Variants in ZSWIM6 observed in about 807,000 individuals in gnomAD.
The protein encoded by ZSWIM6 is zinc finger SWIM-type containing 6.
In ZSWIM6, 9 loss-of-function variants were observed where a neutral mutation model predicts 113.2. That is an observed-to-expected ratio of 0.08 (90% confidence interval 0.05 to 0.14). ZSWIM6 has a LOEUF of 0.14. Ranked by LOEUF, ZSWIM6 falls within the 10% of genes least tolerant of loss-of-function variation. The pLI is 1.00. For missense variants in ZSWIM6, 1,162 were observed against 1,552.2 expected (o/e 0.75, Z 4.22); for synonymous variants, 611 against 606.5 (o/e 1.01, Z -0.11).
At chr5:61,374,647 G>A (rs1163824887) in intron 1 of ZSWIM6, among the ~76,000 whole-genome samples, 2 of 152,100 alleles carry the variant, frequency 1.3e-5, no homozygotes, top group African/African-American at 2.4e-5. Context: ...TCCGCCTCCC[G>A]GGTTCACGCC....
intron 1 of ZSWIM6, among the ~76,000 whole-genome samples, chr5:61,337,757 T>C (rs1744433533): frequency 6.6e-6 from 1 of 152,222 alleles, no homozygotes; most frequent in African/African-American, 2.4e-5. Flanking sequence ...TCTGTAAGTC[T>C]ACACAAGCAA....
intron 1 of ZSWIM6, among the ~76,000 whole-genome samples, chr5:61,342,248 C>G (rs916185844): frequency 5.9e-5 from 9 of 152,146 alleles, no homozygotes; most frequent in Non-Finnish European, 1.3e-4. Context: ...TGGTGAGACT[C>G]TTTAACACTT....
At chr5:61,403,818 T>A (rs886241118) in intron 1 of ZSWIM6, among the ~76,000 whole-genome samples, 1 of 152,180 alleles carries the variant, frequency 6.6e-6, no homozygotes, top group African/African-American at 2.4e-5. Context: ...GTTTTCAATC[T>A]TGGGAGCTTC....
chr5:61,428,792 T>C (rs1433241451), intron 1 of ZSWIM6, among the ~76,000 whole-genome samples: 1 of 152,232 alleles, frequency 6.6e-6, no homozygotes, highest in Non-Finnish European at 1.5e-5. Flanking sequence ...TTTGAGCTTT[T>C]AGTTTTCTGT....
chr5:61,344,462 AGTTT>A (rs1360954360), intron 1 of ZSWIM6, among the ~76,000 whole-genome samples: 3 of 152,156 alleles, frequency 2.0e-5, no homozygotes, highest in Non-Finnish European at 4.4e-5. Context: ...TCACAGCTCC[AGTTT>A]GTTCTTTCTT....
chr5:61,445,341 A>G (rs139964711), intron 1 of ZSWIM6, among the ~76,000 whole-genome samples: 1 of 152,228 alleles, frequency 6.6e-6, no homozygotes, highest in African/African-American at 2.4e-5. Flanking sequence ...CTTTTCAGCT[A>G]TAAAAAGAGC....
intron 5 of ZSWIM6, among the ~76,000 whole-genome samples, chr5:61,524,161 T>A (rs987161846): frequency 3.3e-5 from 5 of 152,246 alleles, no homozygotes; most frequent in Non-Finnish European, 5.9e-5. Context: ...AAACATTTGA[T>A]CAATTGACTG....
At chr5:61,538,993 T>A (rs1379744021) in intron 11 of ZSWIM6, 22 bp downstream of exon 11, 1 of 1,478,760 alleles carries the variant, frequency 6.8e-7, no homozygotes, top group Non-Finnish European at 9.0e-7. Flanking sequence ...TCCTGAGGCC[T>A]CATAATTGTT....
intron 4 of ZSWIM6, among the ~76,000 whole-genome samples, chr5:61,510,501 C>CTTTTTTT (rs35089164): frequency 6.8e-6 from 1 of 147,244 alleles, no homozygotes; most frequent in Non-Finnish European, 1.5e-5. Flanking sequence ...GTGACGAATG[C>CTTTTTTT]TTTTTTTTTT....
At chr5:61,390,561 C>G in intron 1 of ZSWIM6, 1 of 524,012 alleles carries the variant, frequency 1.9e-6, no homozygotes, top group Non-Finnish European at 3.5e-6. Context: ...AAAGTTAAAA[C>G]TTTTGTGAAT....
At chr5:61,492,916 C>T (rs944456718) in intron 3 of ZSWIM6, among the ~76,000 whole-genome samples, 1 of 152,030 alleles carries the variant, frequency 6.6e-6, no homozygotes, top group Non-Finnish European at 1.5e-5. Context: ...ACCAACCACC[C>T]CACCTTTTCT....
intron 1 of ZSWIM6, among the ~76,000 whole-genome samples, chr5:61,470,046 C>G (rs1363104580): frequency 6.6e-6 from 1 of 152,188 alleles, no homozygotes; most frequent in East Asian, 1.9e-4. Flanking sequence ...CTGTTATCTC[C>G]TGGTAGACTC....
intron 1 of ZSWIM6, among the ~76,000 whole-genome samples, chr5:61,342,805 T>C (rs887027004): frequency 3.9e-5 from 6 of 152,220 alleles, no homozygotes; most frequent in African/African-American, 1.4e-4. Flanking sequence ...CTTAACCATT[T>C]TTGTGTGTGT....
intron 2 of ZSWIM6, among the ~76,000 whole-genome samples, chr5:61,480,890 C>A (rs1747842408): frequency 6.6e-6 from 1 of 152,114 alleles, no homozygotes; most frequent in South Asian, 2.1e-4. Flanking sequence ...CTAGCTTTAA[C>A]AGCAAACACT....
chr5:61,453,218 G>A (rs944865280), intron 1 of ZSWIM6, among the ~76,000 whole-genome samples: 1 of 151,620 alleles, frequency 6.6e-6, no homozygotes, highest in African/African-American at 2.4e-5. Flanking sequence ...GTTTTTAATC[G>A]ACATAAAATT....
intron 2 of ZSWIM6, among the ~76,000 whole-genome samples, chr5:61,473,472 A>T (rs2112185573): frequency 6.6e-6 from 1 of 152,350 alleles, no homozygotes; most frequent in Middle Eastern, 3.4e-3. Context: ...GAAAAACATT[A>T]TAGCTTGTTT....
chr5:61,344,133 G>A (rs539965281), intron 1 of ZSWIM6, among the ~76,000 whole-genome samples: 22 of 152,288 alleles, frequency 1.4e-4, no homozygotes, highest in African/African-American at 5.1e-4. Flanking sequence ...GCCCTCAGGT[G>A]ATCCATCCAC....
intron 1 of ZSWIM6, among the ~76,000 whole-genome samples, chr5:61,371,816 G>A (rs1745269387): frequency 6.6e-6 from 1 of 152,174 alleles, no homozygotes; most frequent in African/African-American, 2.4e-5. Flanking sequence ...CCTTTAATCT[G>A]TGGAAGAATC....
intron 4 of ZSWIM6, among the ~76,000 whole-genome samples, chr5:61,513,260 T>C (rs1399359954): frequency 6.6e-6 from 1 of 152,142 alleles, no homozygotes; most frequent in Non-Finnish European, 1.5e-5. Flanking sequence ...TTAGTTAATA[T>C]GCATTTAAGT....
Sources: allele counts gnomAD v4.1 joint callset (sites outside exome capture counted in the v4.1 genomes callset), GRCh38; gene constraint gnomAD v4.1.1; transcripts MANE v1.5; gene names NCBI Gene and HGNC (gene_info 2026-07-23, HGNC 2026-07-21).